The following PAPPA variants were observed in gnomAD, a reference collection of about 807,000 sequenced individuals.
PAPPA encodes the protein pappalysin 1.
PAPPA carries 60 observed loss-of-function variants against 164.0 expected under a neutral mutation model. The observed-to-expected ratio is 0.37, with a 90% CI of 0.30 to 0.45. PAPPA has a LOEUF of 0.45. Ranked by LOEUF, PAPPA falls within the 20% of genes least tolerant of loss-of-function variation. The pLI, the probability that PAPPA is intolerant of heterozygous loss-of-function variation, is 1.00. For missense variants in PAPPA, 1,782 were observed against 2,087.3 expected, an observed-to-expected ratio of 0.85 and a Z score of 2.85; for synonymous variants, 875 against 814.1, an observed-to-expected ratio of 1.07 and a Z score of -1.27.
At chr9:116,245,357 G>A (rs1844785138) in intron 7 of PAPPA, among the ~76,000 whole-genome samples, 1 of 152,168 alleles carries the variant, frequency 6.6e-6, no homozygotes, top group African/African-American at 2.4e-5. Context: ...CTCATGTTGA[G>A]TTTAGATTTA....
chr9:116,175,211 G>T (rs545422650), intron 1 of PAPPA, among the ~76,000 whole-genome samples: 1 of 152,130 alleles, frequency 6.6e-6, no homozygotes, highest in Admixed American at 6.5e-5. Context: ...AACAAGGACC[G>T]CCACTCTTGC....
intron 4 of PAPPA, among the ~76,000 whole-genome samples, chr9:116,212,512 C>T (rs1844320959): frequency 6.6e-6 from 1 of 152,178 alleles, no homozygotes; most frequent in South Asian, 2.1e-4. Context: ...CTTACCACTG[C>T]ACCTGCAGCT....
At chr9:116,303,657 G>A (rs1027041943) in intron 10 of PAPPA, among the ~76,000 whole-genome samples, 8 of 152,048 alleles carry the variant, frequency 5.3e-5, no homozygotes, top group African/African-American at 1.9e-4. Context: ...CCAGAGACAC[G>A]ACTCAGTGCT....
chr9:116,311,819 T>C (rs1011109641), intron 10 of PAPPA, among the ~76,000 whole-genome samples: 9 of 152,328 alleles, frequency 5.9e-5, no homozygotes, highest in Non-Finnish European at 8.8e-5. Flanking sequence ...CCTGAGCAAA[T>C]TGAATCTGGA....
chr9:116,227,618 A>G (rs540593156), intron 6 of PAPPA, 66 bp downstream of exon 6: 3 of 1,530,674 alleles, frequency 2.0e-6, no homozygotes, highest in South Asian at 2.4e-5. Flanking sequence ...TTCAATGTAT[A>G]TGGGGTTTTA....
In PAPPA at chr9:116,398,514, T is replaced by TAAAAAAAAAAAAAAAAAAAA; in HGVS notation, c.*1899_*1900insAAAAAAAAAAAAAAAAAAAA. 1 of 1,212,378 alleles carries TAAAAAAAAAAAAAAAAAAAA rather than the reference T, an allele frequency of 8.2e-7. No homozygotes were observed. The highest frequency in any genetic ancestry group is 1.4e-5 in the South Asian group (1 of 72,068). The allele number at this position is 1,212,378 out of a possible 1,614,324, so 75.1% of individuals were successfully genotyped here. ...AAAAAAAAGAGACCAAAAATAACTT[T>TAAAAAAAAAAAAAAAAAAAA]AGGAACCACCATATTATATCACTCC... On this transcript the variant is annotated 3_prime_UTR_variant, in exon 22 of 22. Coordinates refer to ENST00000328252, the MANE Select transcript of PAPPA (RefSeq NM_002581.5).
intron 17 of PAPPA, among the ~76,000 whole-genome samples, chr9:116,359,353 G>C (rs989216422): frequency 6.6e-6 from 1 of 152,194 alleles, no homozygotes; most frequent in African/African-American, 2.4e-5. Context: ...AGGGGAGTTA[G>C]AGCTCAATAT....
intron 1 of PAPPA, among the ~76,000 whole-genome samples, chr9:116,167,801 A>T (rs1383535390): frequency 6.6e-6 from 1 of 152,188 alleles, no homozygotes; most frequent in Non-Finnish European, 1.5e-5. Context: ...AGGCTGATTT[A>T]ATCTGCTAAA....
intron 21 of PAPPA, among the ~76,000 whole-genome samples, chr9:116,389,394 GATCAT>G (rs1229763611): frequency 3.9e-5 from 6 of 152,080 alleles, no homozygotes; most frequent in Admixed American, 2.6e-4. Flanking sequence ...AATCCAGTCA[GATCAT>G]ATCACACCTC....
At chr9:116,337,621 C>G (rs1013044409) in intron 13 of PAPPA, among the ~76,000 whole-genome samples, 12 of 151,458 alleles carry the variant, frequency 7.9e-5, no homozygotes, top group Non-Finnish European at 1.8e-4. Flanking sequence ...CCTCCCTCCA[C>G]AACCTTTCCT....
chr9:116,158,383 G>T (rs1843627690), intron 1 of PAPPA, among the ~76,000 whole-genome samples: 1 of 152,108 alleles, frequency 6.6e-6, no homozygotes. Context: ...TCCTACCTGG[G>T]ATCTAGAATA....
At chr9:116,237,522 G>A (rs1844682771) in intron 7 of PAPPA, among the ~76,000 whole-genome samples, 1 of 152,178 alleles carries the variant, frequency 6.6e-6, no homozygotes, top group African/African-American at 2.4e-5. Context: ...GCCATGGGTT[G>A]ATAAGTTTGA....
At chr9:116,213,605 A>G (rs1844335946) in intron 4 of PAPPA, among the ~76,000 whole-genome samples, 1 of 152,130 alleles carries the variant, frequency 6.6e-6, no homozygotes, top group African/African-American at 2.4e-5. Context: ...ATAAGTTTGG[A>G]AGTTTGCCGG....
intron 6 of PAPPA, among the ~76,000 whole-genome samples, chr9:116,230,046 T>C (rs1322247785): frequency 2.0e-5 from 3 of 152,186 alleles, no homozygotes; most frequent in Admixed American, 2.0e-4. Context: ...TAAAGCATGA[T>C]ATGCAGAATG....
intron 1 of PAPPA, among the ~76,000 whole-genome samples, chr9:116,177,570 A>T (rs533901600): frequency 6.6e-6 from 1 of 152,190 alleles, no homozygotes; most frequent in Non-Finnish European, 1.5e-5. Flanking sequence ...GCCTAATTCA[A>T]TGAATGGTGA....
chr9:116,159,888 G>T (rs1371720458), intron 1 of PAPPA, among the ~76,000 whole-genome samples: 1 of 152,170 alleles, frequency 6.6e-6, no homozygotes, highest in Non-Finnish European at 1.5e-5. Flanking sequence ...TTGAGGACCA[G>T]GGTCACACAA....
intron 10 of PAPPA, among the ~76,000 whole-genome samples, chr9:116,310,156 A>G (rs1845697841): frequency 6.6e-6 from 1 of 152,172 alleles, no homozygotes; most frequent in South Asian, 2.1e-4. Context: ...TCTATACCCA[A>G]TGCCGAAGTC....
rs180881135 is a variant in PAPPA, at chr9:116,241,661, T to C, written c.2732+6024T>C. Among the ~76,000 whole-genome samples the C allele has an allele frequency of 2.1e-3, 315 of 152,340 alleles. 1 individual carries two copies. Among genetic ancestry groups the C allele is most frequent in the African/African-American group, 6.9e-3 (288 of 41,574 alleles). ...GGGCTCCATGGATACTTGTTGATCA[T>C]GTGAAGAATAAGTCAGCAGTAGCAC... On this transcript the variant is annotated intron_variant, in intron 7 of 21. Coordinates refer to ENST00000328252, the MANE Select transcript of PAPPA (RefSeq NM_002581.5).
At chr9:116,231,249 CTATT>C (rs1844588395) in intron 6 of PAPPA, among the ~76,000 whole-genome samples, 1 of 152,066 alleles carries the variant, frequency 6.6e-6, no homozygotes, top group Non-Finnish European at 1.5e-5. Context: ...AAAAGGATAT[CTATT>C]AATAATGAAG....
Sources: allele counts gnomAD v4.1 joint callset (sites outside exome capture counted in the v4.1 genomes callset), GRCh38; gene constraint gnomAD v4.1.1; transcripts MANE v1.5; gene names NCBI Gene and HGNC (gene_info 2026-07-23, HGNC 2026-07-21).